Variants in SYTL5 observed in about 807,000 individuals in gnomAD.
SYTL5 encodes the protein synaptotagmin-like protein 5.
In SYTL5, 34 loss-of-function variants were observed where a neutral mutation model predicts 55.9. That is an observed-to-expected ratio of 0.61 (90% CI 0.46 to 0.81). SYTL5 has a LOEUF of 0.81. SYTL5 is among the 30% of genes least tolerant of loss of function. The pLI is 0.00. For missense variants in SYTL5, 637 were observed against 546.7 expected, an observed-to-expected ratio of 1.17 and a Z score of -1.65; for synonymous variants, 221 against 188.7, an observed-to-expected ratio of 1.17 and a Z score of -1.40.
chrX:38,089,529 C>T lies in SYTL5; in HGVS notation c.773C>T (p.Pro258Leu), dbSNP rs751628663. Reference protein sequence around the residue: ...PKSSRSNGVTPGTQSSPAPST... With the variant: ...PKSSRSNGVTLGTQSSPAPST... The stretch of plus-strand genomic sequence containing the variant: ...AGCAGTCGGAGCAATGGTGTGACCC[C>T]AGGCACTCAGAGTTCACCAGCCCCA... The change falls in exon 7 of 17, where the codon CCA becomes CTA. Residue 258 changes from proline (P) to leucine (L), a missense_variant. By Grantham distance (98) the Pro-to-Leu change is moderately conservative. Transcript: ENST00000297875. The T allele has an allele frequency of 5.8e-6, 7 of 1,210,928 alleles. No individual in the cohort carries two copies. Among genetic ancestry groups the T allele is most frequent in the African/African-American group, 1.7e-5 (1 of 57,711 alleles).
chrX:37,895,024 C>A, the SYTL5 span, among the ~76,000 whole-genome samples: 1 of 111,558 alleles, frequency 9.0e-6, no homozygotes. Flanking sequence ...ATTGCGTGAG[C>A]CAATTCCTGT....
At chrX:38,057,188 A>C (rs1935812491) in intron 3 of SYTL5, among the ~76,000 whole-genome samples, 1 of 111,572 alleles carries the variant, frequency 9.0e-6, no homozygotes, top group African/African-American at 3.3e-5. Context: ...GTCTAGTTTC[A>C]TTCTATGCAT....
At chrX:38,071,767 T>G (rs1374869315) in intron 3 of SYTL5, among the ~76,000 whole-genome samples, 1 of 111,949 alleles carries the variant, frequency 8.9e-6, no homozygotes, top group African/African-American at 3.3e-5. Context: ...ATTTTATTGC[T>G]CTAAGTCCCA....
the SYTL5 span, among the ~76,000 whole-genome samples, chrX:37,991,841 A>C: frequency 8.9e-6 from 1 of 112,052 alleles, no homozygotes; most frequent in African/African-American, 3.2e-5. Flanking sequence ...TTCATTTCTT[A>C]TTTCTTTATG....
chrX:38,015,956 T>A (rs948226842), intron 1 of SYTL5, among the ~76,000 whole-genome samples: 1 of 111,489 alleles, frequency 9.0e-6, no homozygotes, highest in Non-Finnish European at 1.9e-5. Flanking sequence ...TAGACCAGAA[T>A]GGCCTTGAAC....
At chrX:37,911,860 A>G in the SYTL5 span, among the ~76,000 whole-genome samples, 1 of 112,028 alleles carries the variant, frequency 8.9e-6, no homozygotes, top group Admixed American at 9.5e-5. Context: ...ATGATTTTCT[A>G]TTTGCTTAAT....
chrX:37,901,355 GC>G, the SYTL5 span, among the ~76,000 whole-genome samples: 1 of 111,858 alleles, frequency 8.9e-6, no homozygotes, highest in Admixed American at 9.5e-5. Context: ...TTGTCATTAA[GC>G]AAAAAGCCAG....
At chrX:38,098,366 A>G (rs1172082515) in intron 9 of SYTL5, among the ~76,000 whole-genome samples, 2 of 111,485 alleles carry the variant, frequency 1.8e-5, no homozygotes, top group African/African-American at 3.2e-5. Context: ...ACAAATAATC[A>G]TATTAGATAA....
the SYTL5 span, among the ~76,000 whole-genome samples, chrX:37,968,840 A>G: frequency 8.9e-6 from 1 of 112,186 alleles, no homozygotes; most frequent in South Asian, 3.7e-4. Context: ...TAAAATCTGT[A>G]GCATTTAAAA....
chrX:37,921,255 C>T, the SYTL5 span, among the ~76,000 whole-genome samples: 2 of 111,690 alleles, frequency 1.8e-5, no homozygotes, highest in Non-Finnish European at 1.9e-5. Context: ...CAAGACATTA[C>T]GGCTCCCAGG....
chrX:38,027,149 G>T (rs1174795042), intron 1 of SYTL5, among the ~76,000 whole-genome samples: 3 of 111,745 alleles, frequency 2.7e-5, no homozygotes, highest in Non-Finnish European at 5.6e-5. Flanking sequence ...TCTGACAAAA[G>T]GTGATATCTG....
At chrX:38,028,138 T>C (rs1934839714) in intron 1 of SYTL5, among the ~76,000 whole-genome samples, 1 of 111,899 alleles carries the variant, frequency 8.9e-6, no homozygotes, top group African/African-American at 3.3e-5. Flanking sequence ...CTTCTCCTCT[T>C]GAGGTCCCAA....
chrX:37,890,577 G>A, the SYTL5 span, among the ~76,000 whole-genome samples: 1 of 111,430 alleles, frequency 9.0e-6, no homozygotes, highest in Non-Finnish European at 1.9e-5. Flanking sequence ...CCCTTGGTTT[G>A]GTCCGGGAAC....
At chrX:38,102,749 C>T (rs1187341735) in intron 10 of SYTL5, among the ~76,000 whole-genome samples, 1 of 111,678 alleles carries the variant, frequency 9.0e-6, no homozygotes, top group African/African-American at 3.3e-5. Context: ...ATTTCCCTGA[C>T]ACCATTCTCT....
intron 5 of SYTL5, 34 bp downstream of exon 5, chrX:38,073,732 C>T (rs1431833876): frequency 2.0e-6 from 2 of 1,021,102 alleles, no homozygotes; most frequent in Non-Finnish European, 2.7e-6. Context: ...AATTTTTGAT[C>T]TTTATTCCAG....
chrX:38,059,442 C>T (rs1390176882), intron 3 of SYTL5, among the ~76,000 whole-genome samples: 1 of 111,564 alleles, frequency 9.0e-6, no homozygotes, highest in African/African-American at 3.2e-5. Context: ...TAGGATAAGG[C>T]TCTTGCATAT....
At chrX:38,042,367 C>T (rs1935312046) in intron 2 of SYTL5, among the ~76,000 whole-genome samples, 1 of 110,559 alleles carries the variant, frequency 9.0e-6, no homozygotes, top group Admixed American at 9.7e-5. Context: ...GGAGAGTTGG[C>T]CCACTGTAAA....
chrX:38,017,912 G>T (rs187718708), intron 1 of SYTL5, among the ~76,000 whole-genome samples: 1 of 109,503 alleles, frequency 9.1e-6, no homozygotes, highest in Non-Finnish European at 1.9e-5. Flanking sequence ...ATCTAAATGG[G>T]TCCAGGTGCC....
chrX:38,009,582 C>G (rs1325993781), intron 1 of SYTL5, among the ~76,000 whole-genome samples: 2 of 111,813 alleles, frequency 1.8e-5, no homozygotes, highest in Non-Finnish European at 3.8e-5. Context: ...GCCATCCTCT[C>G]TCATCTCCCT....
Sources: allele counts gnomAD v4.1 joint callset (sites outside exome capture counted in the v4.1 genomes callset), GRCh38; gene constraint gnomAD v4.1.1; transcripts MANE v1.5; gene names NCBI Gene and HGNC (gene_info 2026-07-23, HGNC 2026-07-21).